The following TSPAN14 variants were observed in gnomAD, a reference collection of about 807,000 sequenced individuals.
TSPAN14 encodes tetraspanin 14, also known as tetraspanin-14.
In TSPAN14, 16 loss-of-function variants were observed where a neutral mutation model predicts 36.6. That is an observed-to-expected ratio of 0.44 (90% confidence interval 0.30 to 0.66). TSPAN14 has a LOEUF of 0.66. Ranked by LOEUF, TSPAN14 falls within the 30% of genes least tolerant of loss-of-function variation. The pLI is 0.12. For missense variants in TSPAN14, 231 were observed against 355.1 expected (o/e 0.65, Z 2.81); for synonymous variants, 139 against 143.8 (o/e 0.97, Z 0.24).
chr10:80,481,192 G>A (rs1457767296), intron 1 of TSPAN14, among the ~76,000 whole-genome samples: 1 of 152,150 alleles, frequency 6.6e-6, no homozygotes, highest in Non-Finnish European at 1.5e-5. Flanking sequence ...ACTCGTGAAG[G>A]TGAACAAAGA....
chr10:80,518,378 G>C, exon 9 of TSPAN14: 1 of 226,168 alleles, frequency 4.4e-6, no homozygotes, highest in Non-Finnish European at 8.9e-6. Flanking sequence ...CACATCTGTG[G>C]GTGGGCCGTG....
At chr10:80,494,982 C>A (rs151215709) in intron 2 of TSPAN14, among the ~76,000 whole-genome samples, 18 of 152,306 alleles carry the variant, frequency 1.2e-4, no homozygotes, top group Admixed American at 1.2e-3. Context: ...TCCTTGCAGT[C>A]TTAAGATACG....
chr10:80,512,871 TTTG>T (rs147443704), intron 6 of TSPAN14, among the ~76,000 whole-genome samples: 17,809 of 150,296 alleles, frequency 0.12, 1,186 homozygotes, highest in African/African-American at 0.18. Context: ...TTATTTTCTG[TTTG>T]TTGTTGTTGT....
chr10:80,454,640 G>C (rs569938966), intron 1 of TSPAN14, among the ~76,000 whole-genome samples: 1 of 152,036 alleles, frequency 6.6e-6, no homozygotes, highest in South Asian at 2.1e-4. Flanking sequence ...CGGCGGGCCC[G>C]GGGCCGGCAC....
intron 8 of TSPAN14, 33 bp downstream of exon 8, chr10:80,516,356 G>A (rs1416636447): frequency 1.2e-6 from 2 of 1,613,030 alleles, no homozygotes; most frequent in Non-Finnish European, 1.7e-6. Context: ...ATTGGCAGGT[G>A]GCCTTTTTTC....
Position 80,468,246 on chromosome 10 carries a change from C to T in TSPAN14, c.-18+13875C>T, listed in dbSNP as rs563333917. ...TGCCCGTCTGACTTCCTCCCATTGTCTTCGGGGCCAGCCTGTGTCACTGCT... is the reference window on the plus strand; with the variant it reads ...TGCCCGTCTGACTTCCTCCCATTGTTTTCGGGGCCAGCCTGTGTCACTGCT... On this transcript the variant is annotated intron_variant, in intron 1 of 8. Coordinates refer to ENST00000429989, the Ensembl canonical transcript of TSPAN14. Among the ~76,000 whole-genome samples, 22 of 152,308 alleles carry T rather than the reference C, an allele frequency of 1.4e-4. No homozygotes were observed. The South Asian group carries it at 4.1e-3, about 29-fold the overall frequency.
At chr10:80,469,416 T>G (rs1452700251) in intron 1 of TSPAN14, among the ~76,000 whole-genome samples, 2 of 152,356 alleles carry the variant, frequency 1.3e-5, no homozygotes, top group East Asian at 3.9e-4. Context: ...AGAAAACAGT[T>G]TGAGGTGCTC....
chr10:80,522,147 C>G (rs550795640), exon 9 of TSPAN14: 1 of 152,326 alleles, frequency 6.6e-6, no homozygotes, highest in African/African-American at 2.4e-5. Flanking sequence ...ACAATTCTTT[C>G]TTCACTTAGT....
At chr10:80,515,065 C>G (rs1163103750) in intron 7 of TSPAN14, among the ~76,000 whole-genome samples, 1 of 152,196 alleles carries the variant, frequency 6.6e-6, no homozygotes, top group Non-Finnish European at 1.5e-5. Context: ...GCCACCTAAT[C>G]TATAGTATTT....
At chr10:80,517,727 T>C (rs1379676059) in intron 8 of TSPAN14, among the ~76,000 whole-genome samples, 178 bp from the exon 9 acceptor site, 1 of 152,188 alleles carries the variant, frequency 6.6e-6, no homozygotes, top group Non-Finnish European at 1.5e-5. Context: ...GACCCCTTTT[T>C]TGCGGGAGGG....
At chr10:80,499,391 A>G (rs1848372889) in intron 2 of TSPAN14, among the ~76,000 whole-genome samples, 1 of 152,190 alleles carries the variant, frequency 6.6e-6, no homozygotes, top group Non-Finnish European at 1.5e-5. Flanking sequence ...GTGACCCACA[A>G]AGAGGCCCTG....
At chr10:80,468,755 T>G (rs1397689026) in intron 1 of TSPAN14, 3 of 148,724 alleles carry the variant, frequency 2.0e-5, no homozygotes, top group Non-Finnish European at 4.4e-5. Flanking sequence ...AGGGTCTGAC[T>G]GTGCGCTCAG....
At chr10:80,520,516 C>G (rs2132078267) in exon 9 of TSPAN14, 2 of 463,096 alleles carry the variant, frequency 4.3e-6, no homozygotes, top group Admixed American at 2.3e-5. Context: ...GGCATTTGCA[C>G]CCTCTTCTCA....
intron 6 of TSPAN14, among the ~76,000 whole-genome samples, chr10:80,512,951 A>G (rs1239149401): frequency 2.6e-5 from 4 of 152,088 alleles, no homozygotes. Flanking sequence ...GCTGGAGTGC[A>G]GTGGTGCGAT....
intron 1 of TSPAN14, among the ~76,000 whole-genome samples, chr10:80,485,431 G>T (rs1448123671): frequency 6.6e-6 from 1 of 152,160 alleles, no homozygotes; most frequent in Non-Finnish European, 1.5e-5. Context: ...AGCTCCGTTG[G>T]TGGCTCAGGA....
chr10:80,520,104 G>C (rs1841177673), exon 9 of TSPAN14: 1 of 160,480 alleles, frequency 6.2e-6, no homozygotes, highest in South Asian at 1.7e-4. Context: ...TTTCTGTGAA[G>C]GGGGTTGGTG....
intron 2 of TSPAN14, among the ~76,000 whole-genome samples, chr10:80,494,748 A>G (rs1848102239): frequency 6.6e-6 from 1 of 152,224 alleles, no homozygotes; most frequent in Non-Finnish European, 1.5e-5. Flanking sequence ...TCAGTAATGC[A>G]GTCAAAAGGG....
chr10:80,456,129 A>G (rs1845724334), intron 1 of TSPAN14, among the ~76,000 whole-genome samples: 6 of 152,212 alleles, frequency 3.9e-5, no homozygotes, highest in Admixed American at 3.9e-4. Context: ...AAGTCTGGAA[A>G]GTCCCTCACC....
intron 4 of TSPAN14, among the ~76,000 whole-genome samples, chr10:80,508,201 C>T (rs181530632): frequency 6.6e-5 from 10 of 151,484 alleles, no homozygotes; most frequent in Admixed American, 3.9e-4. Context: ...CTGCAAGCTC[C>T]GCCTCCCGGG....
Sources: allele counts gnomAD v4.1 joint callset (sites outside exome capture counted in the v4.1 genomes callset), GRCh38; gene constraint gnomAD v4.1.1; transcripts MANE v1.5; gene names NCBI Gene and HGNC (gene_info 2026-07-23, HGNC 2026-07-21).